Variants in NLGN1 observed in about 807,000 individuals in gnomAD.
NLGN1 encodes neuroligin-1.
In NLGN1, 12 loss-of-function variants were observed where a neutral mutation model predicts 65.5. That is an observed-to-expected ratio of 0.18 (90% CI 0.12 to 0.30). NLGN1 has a LOEUF of 0.30. Among genes scored for constraint, NLGN1 ranks in the 10% least tolerant of loss-of-function variants. NLGN1 has a pLI of 1.00. For synonymous variants in NLGN1, 350 were observed against 359.5 expected (o/e 0.97, Z 0.30); for missense variants, 750 against 1,007.1 (o/e 0.74, Z 3.46).
chr3:174,064,108 C>T (rs1737971717), intron 4 of NLGN1, among the ~76,000 whole-genome samples: 2 of 151,960 alleles, frequency 1.3e-5, no homozygotes, highest in East Asian at 1.9e-4. Flanking sequence ...TGCCATTGCT[C>T]TCCAGCCTGG....
chr3:174,138,536 G>A (rs970853668), intron 4 of NLGN1, among the ~76,000 whole-genome samples: 21 of 150,088 alleles, frequency 1.4e-4, no homozygotes, highest in East Asian at 5.9e-4. Flanking sequence ...CCAGGTTCAC[G>A]CCATTCTCCT....
At chr3:174,289,992 T>A (rs9859031), downstream of NLGN1, among the ~76,000 whole-genome samples, 16,614 of 144,902 alleles carry the variant, frequency 0.11, 1,553 homozygotes, top group East Asian at 0.52. Flanking sequence ...TATACATATA[T>A]ATTCTTTTTT....
intron 4 of NLGN1, among the ~76,000 whole-genome samples, chr3:174,138,588 C>T (rs1721667728): frequency 6.6e-6 from 1 of 152,002 alleles, no homozygotes; most frequent in South Asian, 2.1e-4. Context: ...GCCCCCGCCA[C>T]CACGCCCGGC....
chr3:173,598,878 T>C (rs776091548), intron 2 of NLGN1, among the ~76,000 whole-genome samples: 2 of 152,096 alleles, frequency 1.3e-5, no homozygotes, highest in African/African-American at 2.4e-5. Flanking sequence ...ATGGGGAGCT[T>C]TGGGGCTCCT....
In NLGN1 at chr3:174,018,972, A is replaced by G. The variant is rs1727191774; in HGVS notation, c.646+211140A>G. On this transcript the variant is annotated intron_variant, in intron 4 of 6. Transcript: ENST00000457714. Reference sequence around the variant, plus strand: ...AACTGAAAAATAGCCCCAAATATAAACAAATATAGCTAATAAGGTGATGAT... The same window carrying G: ...AACTGAAAAATAGCCCCAAATATAAGCAAATATAGCTAATAAGGTGATGAT... 2.0e-5 allele frequency among the ~76,000 whole-genome samples: 3 copies of G among 152,166 alleles called. No homozygotes were observed. The South Asian group carries it at 6.2e-4, about 31-fold the overall frequency.
intron 4 of NLGN1, among the ~76,000 whole-genome samples, chr3:174,182,089 A>G (rs1227583220): frequency 1.3e-5 from 2 of 151,554 alleles, no homozygotes; most frequent in African/African-American, 2.4e-5. Context: ...TACATTCTGT[A>G]CTTGTCTCTC....
chr3:173,860,104 T>G (rs1262359582), intron 4 of NLGN1, among the ~76,000 whole-genome samples: 2 of 152,034 alleles, frequency 1.3e-5, no homozygotes, highest in Non-Finnish European at 2.9e-5. Context: ...TTCCTTTGTA[T>G]TGTTTTGGGT....
At chr3:173,425,450 G>T (rs73178897) in intron 1 of NLGN1, among the ~76,000 whole-genome samples, 92 of 151,936 alleles carry the variant, frequency 6.1e-4, no homozygotes, top group Admixed American at 1.9e-3. Flanking sequence ...TTTTCCCAGT[G>T]TTTTTTCTAA....
chr3:173,499,294 C>T (rs1025695049), intron 2 of NLGN1, among the ~76,000 whole-genome samples: 6 of 151,742 alleles, frequency 4.0e-5, no homozygotes, highest in African/African-American at 7.3e-5. Flanking sequence ...TTTCCCAGCA[C>T]CATTTATTAA....
chr3:174,028,237 G>A (rs956501271), intron 4 of NLGN1, among the ~76,000 whole-genome samples: 2 of 152,182 alleles, frequency 1.3e-5, no homozygotes, highest in Admixed American at 1.3e-4. Flanking sequence ...TGGGTAACAG[G>A]CAGATGTTGA....
intron 2 of NLGN1, among the ~76,000 whole-genome samples, chr3:173,522,782 C>T (rs559790977): frequency 8.5e-5 from 13 of 152,148 alleles, no homozygotes; most frequent in African/African-American, 1.7e-4. Context: ...TGGGTAGATA[C>T]GCAGTAGTGG....
chr3:173,999,409 A>G (rs546295773), intron 4 of NLGN1, among the ~76,000 whole-genome samples: 5 of 152,280 alleles, frequency 3.3e-5, no homozygotes, highest in African/African-American at 9.6e-5. Context: ...TTGGTCATAA[A>G]TAACATTAGA....
chr3:174,222,824 C>G (rs920204237), intron 4 of NLGN1, among the ~76,000 whole-genome samples: 2 of 152,054 alleles, frequency 1.3e-5, no homozygotes, highest in African/African-American at 4.8e-5. Flanking sequence ...TAGACCATTC[C>G]AGTTGCTATC....
chr3:173,450,256 T>A (rs1337260576), intron 2 of NLGN1, among the ~76,000 whole-genome samples: 3 of 152,194 alleles, frequency 2.0e-5, no homozygotes, highest in African/African-American at 7.2e-5. Flanking sequence ...AGGGCAGGCC[T>A]GGTGGTGACA....
At chr3:173,439,522 C>T (rs943782343) in intron 2 of NLGN1, among the ~76,000 whole-genome samples, 1 of 140,136 alleles carries the variant, frequency 7.1e-6, no homozygotes, top group Non-Finnish European at 1.5e-5. Flanking sequence ...AAGGACTGCT[C>T]ATTCACCTGC....
intron 1 of NLGN1, among the ~76,000 whole-genome samples, chr3:173,429,305 C>T (rs563556184): frequency 3.9e-4 from 59 of 152,048 alleles, no homozygotes; most frequent in African/African-American, 1.3e-3. Flanking sequence ...TCTATCTAGC[C>T]GTTGTATTTC....
intron 4 of NLGN1, among the ~76,000 whole-genome samples, chr3:174,230,366 A>G (rs1283210616): frequency 6.6e-6 from 1 of 152,212 alleles, no homozygotes; most frequent in African/African-American, 2.4e-5. Context: ...CCCCAATGAA[A>G]CTATTAAAGA....
At chr3:174,251,225 C>T (rs1744715334) in intron 4 of NLGN1, among the ~76,000 whole-genome samples, 2 of 152,096 alleles carry the variant, frequency 1.3e-5, no homozygotes, top group Non-Finnish European at 2.9e-5. Context: ...ATTTTCAGTT[C>T]ACAATGTATC....
chr3:173,815,838 A>G (rs760718037), intron 4 of NLGN1, among the ~76,000 whole-genome samples: 2 of 152,106 alleles, frequency 1.3e-5, no homozygotes, highest in Non-Finnish European at 2.9e-5. Context: ...TTCCATGTAG[A>G]TGTTTAATGA....
Sources: gnomAD v4.1 joint callset for allele counts (sites outside exome capture counted in the v4.1 genomes callset) on GRCh38, gnomAD v4.1.1 for gene constraint, MANE v1.5 for transcripts, NCBI Gene and HGNC (gene_info 2026-07-23, HGNC 2026-07-21) for gene names.